LCK: variants seen among roughly 807,000 people sequenced by gnomAD.
LCK encodes tyrosine-protein kinase Lck.
Under a neutral mutation model 64.6 loss-of-function variants are expected in LCK, and 14 were observed. That is an observed-to-expected ratio of 0.22 (90% CI 0.14 to 0.34). The LOEUF is 0.34. Ranked by LOEUF, LCK falls within the 10% of genes least tolerant of loss-of-function variation. The probability of loss-of-function intolerance (pLI) is 1.00; values close to 1 mark genes in which losing one functional copy is unlikely to be tolerated. For missense variants in LCK, 434 were observed against 668.1 expected, an observed-to-expected ratio of 0.65 and a Z score of 3.86; for synonymous variants, 277 against 263.6, an observed-to-expected ratio of 1.05 and a Z score of -0.49.
chr1:32,271,174 G>T (rs993095884), intron 1 of LCK, among the ~76,000 whole-genome samples: 5 of 151,516 alleles, frequency 3.3e-5, no homozygotes, highest in Admixed American at 2.0e-4. Context: ...CTAATTTTTT[G>T]ATTTTTTTTC....
intron 9 of LCK, among the ~76,000 whole-genome samples, chr1:32,278,148 C>T (rs1640338689): frequency 6.6e-6 from 1 of 152,164 alleles, no homozygotes; most frequent in South Asian, 2.1e-4. Flanking sequence ...CACTGCACTC[C>T]AACCTGGGTA....
chr1:32,285,945 T>A lies in LCK; in HGVS notation c.*229T>A. The A allele has an allele frequency of 3.6e-6, 2 of 556,464 alleles. No individual in the cohort carries two copies. Among genetic ancestry groups the A allele is most frequent in the Non-Finnish European group, 6.4e-6 (2 of 311,270 alleles). The allele number at this position is 556,464 out of a possible 1,614,324, so 34.5% of individuals were successfully genotyped here. A position where few individuals can be genotyped will look rare whatever the true frequency, so the allele number is the denominator to read the frequency against. On this transcript the variant is annotated 3_prime_UTR_variant, in exon 13 of 13. Coordinates refer to ENST00000336890, the MANE Select transcript of LCK (RefSeq NM_005356.5). ...CTGTGCATGTATGTCTTGGACACTG[T>A]ACAAGGTACCCCTTTCTGGCTCTCC...
At chr1:32,279,483 A>G in intron 9 of LCK, 188 bp from the exon 10 acceptor site, 2 of 1,019,304 alleles carry the variant, frequency 2.0e-6, no homozygotes, top group Non-Finnish European at 2.9e-6. Flanking sequence ...GCTCTACCCT[A>G]GCCCCTCTGC....
intron 12 of LCK, among the ~76,000 whole-genome samples, chr1:32,280,744 C>T (rs902269074): frequency 1.3e-5 from 2 of 152,050 alleles, no homozygotes; most frequent in African/African-American, 4.8e-5. Context: ...TGAGCCACCA[C>T]ACCCGGCCCC....
intron 1 of LCK, among the ~76,000 whole-genome samples, chr1:32,270,670 G>A (rs1196251087): frequency 1.3e-5 from 2 of 149,290 alleles, no homozygotes; most frequent in Non-Finnish European, 3.0e-5. Flanking sequence ...TGGGATTACA[G>A]GAATGAGCCA....
intron 1 of LCK, among the ~76,000 whole-genome samples, chr1:32,271,364 C>T (rs534961972): frequency 2.6e-5 from 4 of 152,260 alleles, no homozygotes; most frequent in South Asian, 4.2e-4. Context: ...CCTCTGTGGG[C>T]CTCAGTTTGC....
In LCK at chr1:32,275,846, G is replaced by C. The variant is rs895306632; in HGVS notation, c.482-68G>C. The C allele has an allele frequency of 8.9e-6, 14 of 1,577,576 alleles. No homozygotes were observed. Among genetic ancestry groups the C allele is most frequent in the Non-Finnish European group, 1.2e-5 (14 of 1,158,218 alleles). ...TGGGGGTGCTGGGTGAGCCCAAGGTGGGGGCGCGGTGGCGGGCCAGACTCA... is the reference window on the plus strand; with the variant it reads ...TGGGGGTGCTGGGTGAGCCCAAGGTCGGGGCGCGGTGGCGGGCCAGACTCA... On this transcript the variant is annotated intron_variant, in intron 6 of 12. Transcript: ENST00000336890. This position sits in a 1 kb window ranked among gnomAD's most constrained non-coding sequence, Gnocchi z 6.9.
intron 1 of LCK, among the ~76,000 whole-genome samples, chr1:32,256,528 G>A (rs1557569605): frequency 6.6e-6 from 1 of 151,844 alleles, no homozygotes; most frequent in Non-Finnish European, 1.5e-5. Context: ...AACTCGGGAA[G>A]TGGAGGTTGC....
chr1:32,262,092 C>G (rs1361475319), intron 1 of LCK, among the ~76,000 whole-genome samples: 2 of 146,974 alleles, frequency 1.4e-5, no homozygotes, highest in Non-Finnish European at 3.0e-5. Context: ...CCATGTTGGC[C>G]AGGCTGGTCT....
Position 32,276,832 on chromosome 1 carries a change from C to A in LCK, c.964+46C>A. 2 of 1,506,198 alleles carry A rather than the reference C, an allele frequency of 1.3e-6. No individual in the cohort carries two copies. Among genetic ancestry groups the A allele is most frequent in the Admixed American group, 2.0e-5 (1 of 51,172 alleles). The allele number at this position is 1,506,198 out of a possible 1,614,324, so 93.3% of individuals were successfully genotyped here. ...CTACCAGGGGATACTGCTCTCCCTG[C>A]TGTCCCTGCCAGAGGGTGGAAATAC... is the stretch of plus-strand genomic sequence containing the variant. On this transcript the variant is annotated intron_variant, in intron 9 of 12. Coordinates refer to ENST00000336890, the MANE Select transcript of LCK (RefSeq NM_005356.5). This position sits in a 1 kb window ranked among gnomAD's most constrained non-coding sequence, Gnocchi z 4.6.
intron 9 of LCK, among the ~76,000 whole-genome samples, chr1:32,278,166 G>A (rs576308190): frequency 4.6e-4 from 70 of 152,232 alleles, no homozygotes; most frequent in African/African-American, 1.6e-3. Context: ...GTAACAGAGC[G>A]AGACCTTGTC....
chr1:32,260,746 T>C (rs1013098630), intron 1 of LCK, among the ~76,000 whole-genome samples: 1 of 152,006 alleles, frequency 6.6e-6, no homozygotes, highest in African/African-American at 2.4e-5. Context: ...CTTAACCTCC[T>C]GAGTAGCTAG....
chr1:32,269,255 G>A (rs1640013981), intron 1 of LCK: 1 of 151,800 alleles, frequency 6.6e-6, no homozygotes, highest in Admixed American at 6.6e-5. Flanking sequence ...TGGCCAACAT[G>A]GTGAAACCCC....
chr1:32,267,611 T>C (rs1639957470), intron 1 of LCK, among the ~76,000 whole-genome samples: 1 of 151,918 alleles, frequency 6.6e-6, no homozygotes, highest in South Asian at 2.1e-4. Flanking sequence ...AAATACAAAA[T>C]TAGGCCGGGC....
At position 32,275,336 on chromosome 1, in the gene LCK, G is replaced by T. The variant is rs201899413; in HGVS notation, c.294G>T (p.Trp98Cys). Reference protein sequence around the residue: ...LRILEQSGEWWKAQSLTTGQE... With the variant: ...LRILEQSGEWCKAQSLTTGQE... ...CGTGGCGCAGGAGCGGCGAGTGGTG[G>T]AAGGCGCAGTCCCTGACCACGGGCC... is the stretch of plus-strand genomic sequence containing the variant. The change falls in exon 5 of 13, where the codon TGG becomes TGT. Residue 98 changes from tryptophan (W) to cysteine (C), a missense_variant. Around this residue, in one of 2 missense-constraint regions of LCK, gnomAD observed 233 missense variants for 291.2 expected, o/e 0.80. Coordinates refer to ENST00000336890, the MANE Select transcript of LCK (RefSeq NM_005356.5). This position sits in a 1 kb window ranked among gnomAD's most constrained non-coding sequence, Gnocchi z 6.9. 2.5e-6 allele frequency: 4 copies of T among 1,614,228 alleles called. No homozygotes were observed. In the East Asian group the frequency reaches 8.9e-5, roughly 36 times the overall value.
In LCK at chr1:32,276,880, TC is replaced by T; in HGVS notation, c.964+95del. The T allele has an allele frequency of 7.7e-7, 1 of 1,299,374 alleles. No homozygotes were observed. Among genetic ancestry groups the T allele is most frequent in the South Asian group, 1.6e-5 (1 of 63,854 alleles). The allele number at this position is 1,299,374 out of a possible 1,614,324, so 80.5% of individuals were successfully genotyped here. On this transcript the variant is annotated intron_variant, in intron 9 of 12. Transcript: ENST00000336890. This position sits in a 1 kb window ranked among gnomAD's most constrained non-coding sequence, Gnocchi z 4.6. ...TACACCTTTTCTTCTGGCCCAAAGC[TC>T]AAGCAAGGAGGGTTTCTTGAGCTTT...
rs1334633942 is a variant in LCK at position 32,275,218 on chromosome 1, A to AGCCAG, written c.279-101_279-97dup. 4.1e-6 allele frequency: 6 copies of AGCCAG among 1,478,308 alleles called. No individual in the cohort carries two copies. The Admixed American group carries it at 1.0e-4, about 26-fold the overall frequency. 91.6% of individuals were successfully genotyped at this position (1,478,308 alleles called of 1,614,324 possible). A position where few individuals can be genotyped will look rare whatever the true frequency, so the allele number is the denominator to read the frequency against. ...CAAAATTCGAGGCTCAGTATTGCTGAGCCAGGGTTGGGGGAGGCTGGCTTA... is the reference window on the plus strand; with the variant it reads ...CAAAATTCGAGGCTCAGTATTGCTGAGCCAGGCCAGGGTTGGGGGAGGCTGGCTTA... On this transcript the variant is annotated intron_variant, in intron 4 of 12. Coordinates refer to ENST00000336890, the MANE Select transcript of LCK (RefSeq NM_005356.5). This position sits in a 1 kb window ranked among gnomAD's most constrained non-coding sequence, Gnocchi z 6.9.
rs11576028 is a variant in LCK at position 32,275,200 on chromosome 1, C to A, written c.278+117C>A. The A allele has an allele frequency of 4.9e-3, 7,065 of 1,454,110 alleles. 62 individuals are homozygous for A. The highest frequency in any genetic ancestry group is 0.024 in the South Asian group (2,066 of 85,792). The allele number at this position is 1,454,110 out of a possible 1,614,324, so 90.1% of individuals were successfully genotyped here. The stretch of plus-strand genomic sequence containing the variant: ...GGGTGGCCGCCCTTGGGACAAAATT[C>A]GAGGCTCAGTATTGCTGAGCCAGGG... On this transcript the variant is annotated intron_variant, in intron 4 of 12. Transcript: ENST00000336890. The surrounding 1 kb of genome is among the most constrained non-coding windows in gnomAD (Gnocchi z 6.9).
At chr1:32,264,557 G>A (rs768622248) in intron 1 of LCK, among the ~76,000 whole-genome samples, 2 of 151,878 alleles carry the variant, frequency 1.3e-5, no homozygotes, top group Non-Finnish European at 2.9e-5. Flanking sequence ...TGTATTATTG[G>A]GACAATCACT....
Sources: gnomAD v4.1 joint callset for allele counts (sites outside exome capture counted in the v4.1 genomes callset) on GRCh38, gnomAD v4.1.1 for gene constraint, gnomAD v4.1.1 regional missense constraint, Gnocchi (gnomAD v3.1) non-coding constraint, MANE v1.5 for transcripts, NCBI Gene and HGNC (gene_info 2026-07-23, HGNC 2026-07-21) for gene names.